SHANK2: variants seen among roughly 807,000 people sequenced by gnomAD.
SHANK2 encodes the protein SH3 and multiple ankyrin repeat domains protein 2.
In SHANK2, 43 loss-of-function variants were observed where a neutral mutation model predicts 133.7. The ratio of observed to expected loss-of-function variants is 0.32; its 90% CI spans 0.25 to 0.41. The LOEUF is 0.41. SHANK2 is among the 10% of genes least tolerant of loss of function. The pLI is 1.00. For synonymous variants in SHANK2, 1,017 were observed against 952.8 expected (o/e 1.07, Z -1.24); for missense variants, 1,994 against 2,235.8 (o/e 0.89, Z 2.18).
At chr11:70,610,050 G>A (rs112603443) in intron 17 of SHANK2, among the ~76,000 whole-genome samples, 1 of 151,750 alleles carries the variant, frequency 6.6e-6, no homozygotes. Context: ...GGACCAGGGA[G>A]GGGTGAGGGG....
chr11:70,618,286 CTCGG>C (rs1464399875), intron 17 of SHANK2, among the ~76,000 whole-genome samples: 2 of 141,342 alleles, frequency 1.4e-5, no homozygotes, highest in African/African-American at 5.2e-5. Flanking sequence ...AGAGTTAAGA[CTCGG>C]TCTCAGAAAA....
intron 14 of SHANK2, among the ~76,000 whole-genome samples, chr11:70,759,772 C>T (rs945762114): frequency 3.3e-5 from 5 of 152,228 alleles, no homozygotes; most frequent in South Asian, 2.1e-4. Context: ...CAGCAAGCCC[C>T]GGCCTTGGGA....
intron 2 of SHANK2, among the ~76,000 whole-genome samples, chr11:71,197,724 C>T (rs1953935912): frequency 6.6e-6 from 1 of 152,246 alleles, no homozygotes; most frequent in Non-Finnish European, 1.5e-5. Flanking sequence ...AATCTTGACT[C>T]ACTGCAAGCT....
intron 3 of SHANK2, among the ~76,000 whole-genome samples, chr11:71,137,885 C>T (rs542066316): frequency 6.6e-6 from 1 of 152,228 alleles, no homozygotes; most frequent in Non-Finnish European, 1.5e-5. Context: ...GAATCAGACA[C>T]ACACACAGCA....
In SHANK2 at chr11:70,954,705, G is replaced by A. The variant is rs1590871098; in HGVS notation, c.1108-58138C>T. Among the ~76,000 whole-genome samples, 4 of 152,336 alleles carry A rather than the reference G, an allele frequency of 2.6e-5. No individual in the cohort carries two copies. The South Asian group carries it at 8.3e-4, about 32-fold the overall frequency. ...GAACCATTGCCAACGGCATTCCTGG[G>A]CCTCTGCCATCACTGGCTTAGCCTG... On this transcript the variant is annotated intron_variant, in intron 10 of 25. Transcript: ENST00000601538.
At chr11:70,582,726 C>T (rs1366614608) in intron 17 of SHANK2, among the ~76,000 whole-genome samples, 4 of 152,198 alleles carry the variant, frequency 2.6e-5, no homozygotes, top group African/African-American at 7.2e-5. Context: ...GAAAACACAG[C>T]GTGTCACAGG....
intron 11 of SHANK2, among the ~76,000 whole-genome samples, chr11:70,839,459 GGA>G (rs1274818764): frequency 6.6e-6 from 1 of 152,206 alleles, no homozygotes; most frequent in African/African-American, 2.4e-5. Flanking sequence ...GTACGTCAAA[GGA>G]GAGAGGGGAA....
intron 1 of SHANK2, among the ~76,000 whole-genome samples, chr11:71,225,966 T>C (rs1954634677): frequency 6.6e-6 from 1 of 151,954 alleles, no homozygotes; most frequent in Admixed American, 6.6e-5. Flanking sequence ...CTACTAAAAA[T>C]ACAAAACTTA....
At chr11:70,695,997 A>G (rs1049258445) in intron 15 of SHANK2, among the ~76,000 whole-genome samples, 1 of 130,252 alleles carries the variant, frequency 7.7e-6, no homozygotes, top group Non-Finnish European at 1.8e-5. Flanking sequence ...CTCTGAGGTG[A>G]GGTCCCAGGA....
chr11:70,608,879 A>C (rs1387660083), intron 17 of SHANK2, among the ~76,000 whole-genome samples: 2 of 152,262 alleles, frequency 1.3e-5, no homozygotes, highest in African/African-American at 4.8e-5. Context: ...CACAGTCCCC[A>C]GGAACTCTCT....
intron 1 of SHANK2, among the ~76,000 whole-genome samples, chr11:71,242,266 G>A (rs1240142795): frequency 1.3e-5 from 2 of 152,140 alleles, no homozygotes; most frequent in Admixed American, 6.5e-5. Context: ...TGGGGACGTA[G>A]TTTCAGTTCT....
intron 11 of SHANK2, among the ~76,000 whole-genome samples, chr11:70,846,298 C>A (rs552861130): frequency 7.2e-5 from 11 of 152,208 alleles, no homozygotes; most frequent in African/African-American, 2.6e-4. Context: ...CGGTCTCGCT[C>A]GGTCGCTCAG....
chr11:71,227,981 G>A (rs1954670580), intron 1 of SHANK2, among the ~76,000 whole-genome samples: 1 of 151,768 alleles, frequency 6.6e-6, no homozygotes, highest in African/African-American at 2.4e-5. Context: ...CTGACTCTTT[G>A]TAAAAGTCAA....
At chr11:70,761,582 T>C (rs182286611) in intron 14 of SHANK2, among the ~76,000 whole-genome samples, 20 of 152,334 alleles carry the variant, frequency 1.3e-4, no homozygotes, top group African/African-American at 4.6e-4. Context: ...AGTGTTCCCC[T>C]CACATTCTGG....
rs1170925810 is a variant in SHANK2, at chr11:70,946,524, A to C, written c.1108-49957T>G. Reference sequence around the variant, plus strand: ...TAACCAACCCTTCCCCAGGCTCACCATCCCTCTCCACTAACCAACTCTTCC... The same window carrying C: ...TAACCAACCCTTCCCCAGGCTCACCCTCCCTCTCCACTAACCAACTCTTCC... On this transcript the variant is annotated intron_variant, in intron 10 of 25. Coordinates refer to ENST00000601538, the MANE Select transcript of SHANK2 (RefSeq NM_012309.5). Among the ~76,000 whole-genome samples the C allele has an allele frequency of 3.7e-3, 254 of 68,862 alleles. No homozygotes were observed. The Middle Eastern group carries it at 0.043, about 12-fold the overall frequency. The allele number at this position is 68,862 out of a possible 152,430, so 45.2% of individuals were successfully genotyped here.
chr11:70,946,973 C>T (rs938324585), intron 10 of SHANK2, among the ~76,000 whole-genome samples: 5 of 151,334 alleles, frequency 3.3e-5, no homozygotes, highest in Non-Finnish European at 5.9e-5. Context: ...TCCCTCTCCA[C>T]TAACCAACCC....
In SHANK2 at chr11:70,641,246, C is replaced by T. The variant is rs566199398; in HGVS notation, c.2061+18582G>A. 9.2e-5 allele frequency among the ~76,000 whole-genome samples: 14 copies of T among 152,136 alleles called. No homozygotes were observed. In the South Asian group the frequency reaches 2.9e-3, roughly 32 times the overall value. ...GAGTAGCTGGGACTACAGGCGCATG[C>T]CACCACGCCTGGATAATTTTTTTGT... On this transcript the variant is annotated intron_variant, in intron 17 of 25. Coordinates refer to ENST00000601538, the MANE Select transcript of SHANK2 (RefSeq NM_012309.5).
chr11:70,675,503 A>C (rs1055106261), intron 15 of SHANK2, among the ~76,000 whole-genome samples: 4 of 152,176 alleles, frequency 2.6e-5, no homozygotes, highest in Admixed American at 1.3e-4. Flanking sequence ...AGTGATACTG[A>C]AGCACTGTTG....
chr11:70,796,901 C>A (rs1312095146), intron 14 of SHANK2, among the ~76,000 whole-genome samples: 2 of 152,190 alleles, frequency 1.3e-5, no homozygotes, highest in Non-Finnish European at 2.9e-5. Context: ...CTCCCCCCAG[C>A]ACCAGGATAG....
Sources: gnomAD v4.1 joint callset for allele counts (sites outside exome capture counted in the v4.1 genomes callset) on GRCh38, gnomAD v4.1.1 for gene constraint, MANE v1.5 for transcripts, NCBI Gene and HGNC (gene_info 2026-07-23, HGNC 2026-07-21) for gene names.